The following PTPRC variants were observed in gnomAD, a reference collection of about 807,000 sequenced individuals.
The protein encoded by PTPRC is protein tyrosine phosphatase receptor type C.
A neutral mutation model predicts 155.9 loss-of-function variants in PTPRC; 44 were observed. The ratio of observed to expected loss-of-function variants is 0.28; its 90% CI spans 0.22 to 0.36. The LOEUF (loss-of-function observed/expected upper bound fraction) is 0.36, where lower values mean the gene tolerates loss of function less well. PTPRC is among the 10% of genes least tolerant of loss of function. PTPRC has a pLI of 1.00. For missense variants in PTPRC, 1,401 were observed against 1,564.6 expected (o/e 0.90, Z 1.76); for synonymous variants, 525 against 533.1 (o/e 0.98, Z 0.21).
chr1:198,687,076 T>G (rs192370380), intron 2 of PTPRC, among the ~76,000 whole-genome samples: 3 of 152,268 alleles, frequency 2.0e-5, no homozygotes, highest in East Asian at 3.9e-4. Context: ...CACCATCACA[T>G]CTCACTACAG....
chr1:198,679,981 G>C (rs1318678506), intron 2 of PTPRC: 1 of 619,456 alleles, frequency 1.6e-6, no homozygotes, highest in Non-Finnish European at 2.9e-6. Context: ...CGAGTGCTGC[G>C]GCTGCCCGTC....
chr1:198,724,676 TTC>T (rs59471727), intron 15 of PTPRC, among the ~76,000 whole-genome samples: 31,303 of 147,986 alleles, frequency 0.21, 3,780 homozygotes, highest in African/African-American at 0.34. Flanking sequence ...TCCATCCTGA[TTC>T]TCTCTCTCTC....
In PTPRC at chr1:198,732,491, C is replaced by A. The variant is rs1654440365; in HGVS notation, c.2077C>A (p.Arg693Ser). ...YVDILPYDYNRVELSEINGDA... is the reference protein window; with the variant it reads ...YVDILPYDYNSVELSEINGDA... ...TTTTCCTTAAACAGATGATTATAACCGTGTTGAACTCTCTGAGATAAACGG... is the reference window on the plus strand; with the variant it reads ...TTTTCCTTAAACAGATGATTATAACAGTGTTGAACTCTCTGAGATAAACGG... Residue 693 changes from arginine (R) to serine (S), a missense_variant, in exon 20 of 33, where the codon CGT (arginine) becomes AGT (serine). By Grantham distance (110) the Arg-to-Ser change is moderately radical. This residue lies in a region of PTPRC where 867 missense variants were observed against 970.4 expected (regional missense o/e 0.89). Transcript: ENST00000442510. The A allele has an allele frequency of 6.2e-7, 1 of 1,610,454 alleles. No homozygotes were observed. Among genetic ancestry groups the A allele is most frequent in the African/African-American group, 1.3e-5 (1 of 74,860 alleles).
At chr1:198,699,923 T>C in intron 5 of PTPRC, 2 of 638,904 alleles carry the variant, frequency 3.1e-6, no homozygotes, top group African/African-American at 1.8e-5. Context: ...ACAGCAAAAA[T>C]CTGCTCAGGA....
At chr1:198,714,547 C>A (rs190494369) in intron 12 of PTPRC, among the ~76,000 whole-genome samples, 11 of 152,270 alleles carry the variant, frequency 7.2e-5, no homozygotes, top group African/African-American at 2.4e-4. Context: ...TGTGTGTTTT[C>A]TTTTCTCCAA....
chr1:198,698,821 C>T (rs1283000049), intron 4 of PTPRC, among the ~76,000 whole-genome samples: 4 of 151,720 alleles, frequency 2.6e-5, no homozygotes, highest in South Asian at 4.2e-4. Context: ...AAAATGTATA[C>T]TTTATATGTA....
intron 2 of PTPRC, chr1:198,679,693 G>A (rs545498602): frequency 2.1e-4 from 72 of 348,602 alleles, no homozygotes; most frequent in Non-Finnish European, 3.5e-4. Context: ...CAGACATAGC[G>A]GTGGAGATCT....
At chr1:198,742,392 T>G (rs768706919) in intron 25 of PTPRC, 25 bp downstream of exon 25, 2 of 1,611,094 alleles carry the variant, frequency 1.2e-6, no homozygotes, top group African/African-American at 2.7e-5. Context: ...TTAGTGATTA[T>G]TCTCACTTTG....
chr1:198,742,043 A>G lies in PTPRC; in HGVS notation c.2561+17A>G. ...GCACTGCAGGTAGGAAAAACGAACA[A>G]AAAAAAAAAACAACAACAAAAAAAC... is the stretch of plus-strand genomic sequence containing the variant. On this transcript the variant is annotated intron_variant, in intron 24 of 32. Transcript: ENST00000442510. The G allele has an allele frequency of 6.6e-7, 1 of 1,520,060 alleles. No homozygotes were observed. Among genetic ancestry groups the G allele is most frequent in the South Asian group, 1.2e-5 (1 of 85,338 alleles). 94.2% of individuals were successfully genotyped at this position (1,520,060 alleles called of 1,614,324 possible).
rs776401785 is a variant in PTPRC at position 198,646,203 on chromosome 1, C to T, written c.73+6862C>T. On this transcript the variant is annotated intron_variant, in intron 2 of 32. Transcript: ENST00000442510. ...CTAGTGAAATCCTTGGCAGTTTTTC[C>T]ATTTTAATTTTAATTTTACTGAACT... is the stretch of plus-strand genomic sequence containing the variant. Among the ~76,000 whole-genome samples the T allele has an allele frequency of 2.2e-4, 34 of 151,722 alleles. No homozygotes were observed. In the Middle Eastern group the frequency reaches 0.02, roughly 91 times the overall value.
At chr1:198,644,764 C>T (rs928854396) in intron 2 of PTPRC, among the ~76,000 whole-genome samples, 2 of 151,740 alleles carry the variant, frequency 1.3e-5, no homozygotes, top group African/African-American at 4.8e-5. Flanking sequence ...TCTTAACAGA[C>T]AATCAGCAAA....
intron 11 of PTPRC, among the ~76,000 whole-genome samples, chr1:198,711,515 G>A (rs1326766122): frequency 6.6e-6 from 1 of 151,988 alleles, no homozygotes; most frequent in African/African-American, 2.4e-5. Context: ...AAATACTAAA[G>A]CTATAATTTA....
chr1:198,643,301 C>G (rs1227327218), intron 2 of PTPRC, among the ~76,000 whole-genome samples: 1 of 151,488 alleles, frequency 6.6e-6, no homozygotes, highest in Non-Finnish European at 1.5e-5. Context: ...ACTCATAGTT[C>G]CCATACCTAA....
chr1:198,703,443 C>T, intron 7 of PTPRC, 71 bp downstream of exon 7: 1 of 1,604,602 alleles, frequency 6.2e-7, no homozygotes, highest in Non-Finnish European at 8.5e-7. Context: ...CAAGGGCCTT[C>T]CACCCACTCT....
At chr1:198,730,849 C>A (rs904022981) in intron 17 of PTPRC, among the ~76,000 whole-genome samples, 11 of 152,118 alleles carry the variant, frequency 7.2e-5, no homozygotes, top group Admixed American at 5.9e-4. Flanking sequence ...AAATGGGTCA[C>A]CCTCATGGAT....
At chr1:198,749,206 T>C (rs751693608) in intron 27 of PTPRC, among the ~76,000 whole-genome samples, 1 of 151,762 alleles carries the variant, frequency 6.6e-6, no homozygotes, top group Non-Finnish European at 1.5e-5. Context: ...ATGTTCCATG[T>C]TTTTTCCTGG....
intron 2 of PTPRC, among the ~76,000 whole-genome samples, chr1:198,662,078 T>G (rs776940018): frequency 1.5e-4 from 23 of 152,170 alleles, no homozygotes; most frequent in Non-Finnish European, 2.5e-4. Flanking sequence ...GTTTTTATAT[T>G]GTACAAATCA....
At chr1:198,695,899 C>T (rs960269971) in intron 3 of PTPRC, among the ~76,000 whole-genome samples, 7 of 152,164 alleles carry the variant, frequency 4.6e-5, no homozygotes, top group Non-Finnish European at 7.4e-5. Context: ...TGGTGGCTCA[C>T]GCCTGTAATC....
chr1:198,696,617 G>A (rs2102384023), intron 3 of PTPRC, 95 bp from the exon 4 acceptor site: 1 of 994,830 alleles, frequency 1.0e-6, no homozygotes, highest in Non-Finnish European at 1.6e-6. Context: ...ACACACTATA[G>A]TGGACTGGGG....
Sources: gnomAD v4.1 joint callset for allele counts (sites outside exome capture counted in the v4.1 genomes callset) on GRCh38, gnomAD v4.1.1 for gene constraint, gnomAD v4.1.1 regional missense constraint, MANE v1.5 for transcripts, NCBI Gene and HGNC (gene_info 2026-07-23, HGNC 2026-07-21) for gene names.